Variants in GRM3 observed in about 807,000 individuals in gnomAD.
GRM3 encodes the protein metabotropic glutamate receptor 3.
A neutral mutation model predicts 70.5 loss-of-function variants in GRM3; 26 were observed. The observed-to-expected ratio is 0.37, with a 90% CI of 0.27 to 0.51. GRM3 has a LOEUF of 0.51. GRM3 is among the 20% of genes least tolerant of loss of function. The pLI, the probability that GRM3 is intolerant of heterozygous loss-of-function variation, is 0.93. For missense variants in GRM3, 859 were observed against 1,123.8 expected (o/e 0.76, Z 3.37); for synonymous variants, 443 against 434.9 (o/e 1.02, Z -0.23).
chr7:86,722,566 C>T lies in GRM3; in HGVS notation c.-140-42440C>T, dbSNP rs895762031. On this transcript the variant is annotated intron_variant, in intron 1 of 5. Transcript: ENST00000361669. ...GAGTTGAACAATGAAAACACATGGA[C>T]ATGGAAGGCAGGGGGGCATCACACA... 1.1e-4 allele frequency among the ~76,000 whole-genome samples: 14 copies of T among 131,486 alleles called. 1 individual carries two copies. Among genetic ancestry groups the T allele is most frequent in the Non-Finnish European group, 1.8e-4 (12 of 65,396 alleles). The allele number at this position is 131,486 out of a possible 152,430, so 86.3% of individuals were successfully genotyped here.
chr7:86,747,892 T>C (rs1325970976), intron 1 of GRM3, among the ~76,000 whole-genome samples: 4 of 152,128 alleles, frequency 2.6e-5, no homozygotes, highest in Non-Finnish European at 5.9e-5. Context: ...CTTGCTCTGT[T>C]AATTGTGATT....
intron 1 of GRM3, among the ~76,000 whole-genome samples, chr7:86,760,201 T>C (rs1407377014): frequency 1.3e-5 from 2 of 152,102 alleles, no homozygotes; most frequent in Non-Finnish European, 2.9e-5. Flanking sequence ...TTGTATTGAC[T>C]GAAAGTGCAT....
chr7:86,799,921 T>C (rs890197257), intron 3 of GRM3, among the ~76,000 whole-genome samples: 6 of 152,354 alleles, frequency 3.9e-5, no homozygotes, highest in South Asian at 2.1e-4. Context: ...ATGTGTTTTT[T>C]GTCTTCAGTA....
At chr7:86,802,297 GA>G (rs906638493) in intron 3 of GRM3, among the ~76,000 whole-genome samples, 23 of 149,082 alleles carry the variant, frequency 1.5e-4, no homozygotes, top group Non-Finnish European at 2.1e-4. Flanking sequence ...AAAAAGAAAA[GA>G]AAAAAAAACA....
At chr7:86,653,359 A>G (rs1448609285) in intron 1 of GRM3, among the ~76,000 whole-genome samples, 1 of 152,256 alleles carries the variant, frequency 6.6e-6, no homozygotes, top group Non-Finnish European at 1.5e-5. Flanking sequence ...AATTACATGT[A>G]GAATGATGGT....
intron 1 of GRM3, among the ~76,000 whole-genome samples, chr7:86,692,593 T>A (rs534143685): frequency 5.5e-4 from 84 of 152,362 alleles, no homozygotes; most frequent in African/African-American, 2.0e-3. Flanking sequence ...TACATAGAGC[T>A]TATAGTATGA....
chr7:86,853,309 A>G (rs1207170918), intron 5 of GRM3, among the ~76,000 whole-genome samples: 3 of 152,228 alleles, frequency 2.0e-5, no homozygotes, highest in African/African-American at 4.8e-5. Context: ...ATAGATCACA[A>G]TCAAAGATGT....
chr7:86,801,348 C>T (rs1797679496), intron 3 of GRM3, among the ~76,000 whole-genome samples: 2 of 152,074 alleles, frequency 1.3e-5, no homozygotes, highest in African/African-American at 2.4e-5. Context: ...GGATTACAGG[C>T]GTGAGCCAGT....
chr7:86,752,588 C>A (rs1160744668), intron 1 of GRM3, among the ~76,000 whole-genome samples: 5 of 152,006 alleles, frequency 3.3e-5, no homozygotes, highest in Admixed American at 2.6e-4. Flanking sequence ...GGTCAATATT[C>A]CCTGAAACTC....
chr7:86,824,782 T>C (rs1468263577), intron 3 of GRM3, among the ~76,000 whole-genome samples: 1 of 152,108 alleles, frequency 6.6e-6, no homozygotes, highest in East Asian at 1.9e-4. Context: ...TGGAAATTTA[T>C]GCAACAAATT....
At chr7:86,793,382 G>T (rs1050243796) in intron 3 of GRM3, among the ~76,000 whole-genome samples, 6 of 152,268 alleles carry the variant, frequency 3.9e-5, no homozygotes, top group Non-Finnish European at 7.4e-5. Context: ...AGCCAAAATG[G>T]TAATGGCCAC....
chr7:86,655,117 A>G (rs802432), intron 1 of GRM3, among the ~76,000 whole-genome samples: 31,603 of 152,024 alleles, frequency 0.21, 3,372 homozygotes, highest in African/African-American at 0.26. Context: ...TATCTTTCCA[A>G]TCTGTCATCC....
chr7:86,758,526 G>T (rs1207779970), intron 1 of GRM3, among the ~76,000 whole-genome samples: 4 of 152,162 alleles, frequency 2.6e-5, no homozygotes, highest in African/African-American at 9.6e-5. Flanking sequence ...ACATGTGTAC[G>T]TGCACACATA....
chr7:86,709,324 T>A (rs184145046), intron 1 of GRM3, among the ~76,000 whole-genome samples: 102 of 152,150 alleles, frequency 6.7e-4, no homozygotes, highest in African/African-American at 2.4e-3. Flanking sequence ...CAGACAAACT[T>A]GCTCCCTACC....
At chr7:86,757,379 T>C (rs942553297) in intron 1 of GRM3, among the ~76,000 whole-genome samples, 1 of 152,216 alleles carries the variant, frequency 6.6e-6, no homozygotes, top group Non-Finnish European at 1.5e-5. Context: ...TCATTCTTTA[T>C]AAGGACAGGT....
chr7:86,845,083 T>A (rs554647042), intron 4 of GRM3, among the ~76,000 whole-genome samples: 1 of 152,114 alleles, frequency 6.6e-6, no homozygotes, highest in Admixed American at 6.6e-5. Flanking sequence ...AGAGACAAGG[T>A]TTCACCATGT....
At chr7:86,667,586 T>C (rs1401404855) in intron 1 of GRM3, among the ~76,000 whole-genome samples, 1 of 152,152 alleles carries the variant, frequency 6.6e-6, no homozygotes, top group Non-Finnish European at 1.5e-5. Context: ...TGCATTATTT[T>C]GCTCTCAAGA....
intron 3 of GRM3, among the ~76,000 whole-genome samples, chr7:86,815,666 T>C (rs1798001317): frequency 1.3e-5 from 2 of 151,900 alleles, no homozygotes; most frequent in Non-Finnish European, 2.9e-5. Flanking sequence ...TAAGTGAACA[T>C]ATACTTTATC....
intron 1 of GRM3, among the ~76,000 whole-genome samples, chr7:86,658,020 C>T (rs56399622): frequency 0.03 from 4,533 of 152,258 alleles, 203 homozygotes; most frequent in African/African-American, 0.1. Context: ...AATCAAAATT[C>T]TAACTCTCTG....
Sources: gnomAD v4.1 joint callset for allele counts (sites outside exome capture counted in the v4.1 genomes callset) on GRCh38, gnomAD v4.1.1 for gene constraint, MANE v1.5 for transcripts, NCBI Gene and HGNC (gene_info 2026-07-23, HGNC 2026-07-21) for gene names.